The following DNAH5 variants were observed in gnomAD, a reference collection of about 807,000 sequenced individuals.
DNAH5 encodes axonemal beta dynein heavy chain 5.
Under a neutral mutation model 518.2 loss-of-function variants are expected in DNAH5, and 372 were observed. The ratio of observed to expected loss-of-function variants is 0.72; its 90% CI spans 0.66 to 0.78. The LOEUF is 0.78. DNAH5 is among the 30% of genes least tolerant of loss of function. The pLI is 0.00. For synonymous variants in DNAH5, 2,039 were observed against 2,025.9 expected (o/e 1.01, Z -0.17); for missense variants, 5,523 against 5,687.0 (o/e 0.97, Z 0.93).
Position 13,769,608 on chromosome 5 carries a change from T to C in DNAH5, c.9613A>G (p.Thr3205Ala). The C allele has an allele frequency of 6.2e-7, 1 of 1,612,734 alleles. No individual in the cohort carries two copies. The highest frequency in any genetic ancestry group is 1.1e-5 in the South Asian group (1 of 91,060). ...GCTTCTTTGAGCTTTTCCAATCCAG[T>C]ATTCATTCTGGGATTGAAAATCCAA... ...EVRTLANRMNTGLEKLKEASE... is the reference protein window; with the variant it reads ...EVRTLANRMNAGLEKLKEASE... Residue 3205 changes from threonine (T) to alanine (A), a missense_variant, in exon 57 of 79, where the codon ACT (threonine) becomes GCT (alanine). By Grantham distance (58) the Thr-to-Ala change is moderately conservative. Transcript: ENST00000265104.
At chr5:13,732,319 CCA>C (rs1268252878) in intron 68 of DNAH5, among the ~76,000 whole-genome samples, 1 of 152,068 alleles carries the variant, frequency 6.6e-6, no homozygotes, top group East Asian at 1.9e-4. Context: ...TCATAGAAGA[CCA>C]TATTCTCACT....
chr5:13,944,647 T>C lies in DNAH5; in HGVS notation c.-209A>G, dbSNP rs78610465. On this transcript the variant is annotated 5_prime_UTR_variant, in exon 1 of 79. Transcript: ENST00000265104. ...CCACTCAAGTTTTTCTCCTAGAGTG[T>C]CTGCCCTGGGCCTCTCCTCTCTCTC... is the stretch of plus-strand genomic sequence containing the variant. 17,311 of 592,554 alleles carry C rather than the reference T, an allele frequency of 0.029. 386 individuals carry two copies. Among genetic ancestry groups the C allele is most frequent in the African/African-American group, 0.066 (3,564 of 54,074 alleles). 36.7% of individuals were successfully genotyped at this position (592,554 alleles called of 1,614,324 possible).
chr5:13,956,780 T>C (rs1215797781), intron 1 of DNAH5, among the ~76,000 whole-genome samples: 2 of 152,096 alleles, frequency 1.3e-5, no homozygotes, highest in African/African-American at 4.8e-5. Context: ...TATTGAGTGA[T>C]TATCAAATGG....
intron 1 of DNAH5, among the ~76,000 whole-genome samples, chr5:13,933,903 G>A (rs1778664466): frequency 6.6e-6 from 1 of 152,042 alleles, no homozygotes; most frequent in African/African-American, 2.4e-5. Flanking sequence ...ATGCTACACA[G>A]GATTGGTTGG....
chr5:13,861,029 A>G lies in DNAH5; in HGVS notation c.4797-1424T>C, dbSNP rs114297253. On this transcript the variant is annotated intron_variant, in intron 29 of 78. Transcript: ENST00000265104. ...CTTTCCCTTATTTGTTGTTCTACCC[A>G]CAGCGCCTAGAAGAGTACATCACAC... Among the ~76,000 whole-genome samples the G allele has an allele frequency of 4.3e-3, 662 of 152,334 alleles. 3 individuals are homozygous for G. The highest frequency in any genetic ancestry group is 0.015 in the African/African-American group (635 of 41,566).
intron 49 of DNAH5, 117 bp from the exon 50 acceptor site, chr5:13,792,334 A>G: frequency 1.3e-6 from 1 of 794,722 alleles, no homozygotes; most frequent in Non-Finnish European, 2.1e-6. Context: ...ATAGATAATC[A>G]CATATAAAAG....
At chr5:13,895,056 G>A (rs1470380454) in intron 15 of DNAH5, among the ~76,000 whole-genome samples, 7 of 254 alleles carry the variant, frequency 0.028, 3 homozygotes, top group Non-Finnish European at 0.056. Context: ...ACGAGGTCAG[G>A]AGATCGAGAC....
intron 12 of DNAH5, among the ~76,000 whole-genome samples, chr5:13,904,171 A>G (rs1427536238): frequency 2.6e-5 from 4 of 151,428 alleles, no homozygotes; most frequent in Admixed American, 2.0e-4. Context: ...AAATTTAATC[A>G]ACAAAATATA....
At chr5:13,904,264 C>T (rs1309338558) in intron 12 of DNAH5, among the ~76,000 whole-genome samples, 2 of 150,664 alleles carry the variant, frequency 1.3e-5, no homozygotes, top group Non-Finnish European at 3.0e-5. Context: ...CTAAAAACAA[C>T]AATCAATGTA....
Position 13,786,252 on chromosome 5 carries a change from A to G in DNAH5, c.8747T>C (p.Leu2916Pro), listed in dbSNP as rs2126869076. The change falls in exon 52 of 79, where the codon CTC becomes CCC. Residue 2916 changes from leucine (L) to proline (P), a missense_variant. Physicochemically the swap from Leu to Pro is moderately conservative, Grantham distance 98. Coordinates refer to ENST00000265104, the MANE Select transcript of DNAH5 (RefSeq NM_001369.3). ...LKERLNMFLQ[L>P]YNESIRGAGM... ...GGCGCCACGGATGCTCTCATTATAG[A>G]GCTGCAGGAACATATTCAGACGCTC... 6.2e-7 allele frequency: 1 copy of G among 1,614,086 alleles called. No individual in the cohort carries two copies. The highest frequency in any genetic ancestry group is 2.2e-5 in the East Asian group (1 of 44,876).
rs765788646 is a variant in DNAH5 at position 13,913,838 on chromosome 5, C to G, written c.1441G>C (p.Ala481Pro). The change falls in exon 11 of 79, where the codon GCC (alanine) becomes CCC (proline). Residue 481 changes from alanine to proline, a missense_variant. By Grantham distance (27) the Ala-to-Pro change is conservative. Coordinates refer to ENST00000265104, the MANE Select transcript of DNAH5 (RefSeq NM_001369.3). ...GKFETFHRRL[A>P]KIIDIFTTLK... ...GTTGTAAAGATGTCTATTATCTTGGCAAGGCGTCGGTGAAAAGTTTCGAAT... is the reference window on the plus strand; with the variant it reads ...GTTGTAAAGATGTCTATTATCTTGGGAAGGCGTCGGTGAAAAGTTTCGAAT... 12 of 1,613,488 alleles carry G rather than the reference C, an allele frequency of 7.4e-6. No individual in the cohort carries two copies. The highest frequency in any genetic ancestry group is 9.3e-6 in the Non-Finnish European group (11 of 1,179,636).
In DNAH5 at chr5:13,817,673, T is replaced by C; in HGVS notation, c.6863A>G (p.Glu2288Gly). The change falls in exon 42 of 79, where the codon GAA (glutamate) becomes GGA (glycine). Residue 2288 changes from glutamate to glycine, a missense_variant. By Grantham distance (98) the Glu-to-Gly change is moderately conservative. Transcript: ENST00000265104. ...AATCGCTTTGGGATTCATCCTCATT[T>C]CCCGATGTGGTTTTCCACAATCTAT... Reference protein sequence around the residue: ...AMTDCGKPHREMRMNPKAITA... With the variant: ...AMTDCGKPHRGMRMNPKAITA... 6.2e-7 allele frequency: 1 copy of C among 1,614,186 alleles called. No homozygotes were observed. Among genetic ancestry groups the C allele is most frequent in the Non-Finnish European group, 8.5e-7 (1 of 1,180,038 alleles).
intron 15 of DNAH5, among the ~76,000 whole-genome samples, chr5:13,896,898 T>C (rs998858274): frequency 7.9e-5 from 12 of 152,248 alleles, no homozygotes; most frequent in African/African-American, 2.9e-4. Flanking sequence ...AGGTCATATA[T>C]GTGCATGTTG....
At position 13,951,466 on chromosome 5, in the gene DNAH5, C is replaced by T. The variant is rs192506763; in HGVS notation, c.13-20222G>A. On this transcript the variant is annotated intron_variant, in intron 1 of 78. Transcript: ENST00000681290. ...AACTCCTGGACTCGAGCAATCCTCC[C>T]GCCTCAGCCTCCCGAGGTGCTGTGA... is the stretch of plus-strand genomic sequence containing the variant. 2.5e-3 allele frequency among the ~76,000 whole-genome samples: 373 copies of T among 152,142 alleles called. 2 individuals carry two copies. Among genetic ancestry groups the T allele is most frequent in the Non-Finnish European group, 4.1e-3 (278 of 67,998 alleles).
chr5:13,751,202 G>A lies in DNAH5; in HGVS notation c.11087C>T (p.Thr3696Ile), dbSNP rs1247178605. The A allele has an allele frequency of 2.5e-6, 4 of 1,613,890 alleles. No homozygotes were observed. The Admixed American group carries it at 6.7e-5, about 27-fold the overall frequency. The part of the protein sequence containing the change: ...VLDGFRLYIT[T>I]KLPNPAYTPE... ...GGTGTAGGCTGGGTTAGGCAATTTGGTGGTAATGTAGAGTCTAAAGCCATC... is the reference window on the plus strand; with the variant it reads ...GGTGTAGGCTGGGTTAGGCAATTTGATGGTAATGTAGAGTCTAAAGCCATC... The change falls in exon 65 of 79, where the codon ACC (threonine) becomes ATC (isoleucine). Residue 3696 changes from threonine (T) to isoleucine (I), a missense_variant. Thr to Ile is a moderately conservative substitution (Grantham distance 89). Around this residue, in one of 3 missense-constraint regions of DNAH5, gnomAD observed 5,121 missense variants for 5,223.3 expected, o/e 0.98. Transcript: ENST00000265104.
intron 1 of DNAH5, among the ~76,000 whole-genome samples, chr5:14,000,507 T>C (rs1389446033): frequency 6.6e-6 from 1 of 152,196 alleles, no homozygotes; most frequent in African/African-American, 2.4e-5. Flanking sequence ...GAGCATTTTT[T>C]TAATGTTTGT....
intron 78 of DNAH5, among the ~76,000 whole-genome samples, chr5:13,694,561 A>G (rs1014977322): frequency 1.3e-5 from 2 of 152,212 alleles, no homozygotes; most frequent in African/African-American, 2.4e-5. Flanking sequence ...TTGGCAAGCC[A>G]TACCCTTTAG....
At chr5:13,899,612 C>G (rs1334392925) in intron 15 of DNAH5, 1 of 152,732 alleles carries the variant, frequency 6.5e-6, no homozygotes, top group Non-Finnish European at 1.5e-5. Flanking sequence ...TTCGCCATCT[C>G]CATAACTTGA....
intron 45 of DNAH5, 99 bp from the exon 46 acceptor site, chr5:13,809,285 A>T (rs770807940): frequency 1.2e-5 from 16 of 1,379,160 alleles, no homozygotes; most frequent in Non-Finnish European, 1.4e-5. Context: ...CACCTTCCAA[A>T]TTCTCCCCAT....
Sources: gnomAD v4.1 joint callset for allele counts (sites outside exome capture counted in the v4.1 genomes callset) on GRCh38, gnomAD v4.1.1 for gene constraint, gnomAD v4.1.1 regional missense constraint, MANE v1.5 for transcripts, NCBI Gene and HGNC (gene_info 2026-07-23, HGNC 2026-07-21) for gene names.